TMPRSS11B: variants seen among roughly 807,000 people sequenced by gnomAD.
The protein encoded by TMPRSS11B is transmembrane protease serine 11B.
In TMPRSS11B, 53 loss-of-function variants were observed where a neutral mutation model predicts 44.7. That is an observed-to-expected ratio of 1.19 (90% CI 0.95 to 1.49). TMPRSS11B has a LOEUF of 1.49. Among genes scored for constraint, TMPRSS11B ranks in the 40% most tolerant of loss-of-function variants. The pLI is 0.00. For synonymous variants in TMPRSS11B, 140 were observed against 159.2 expected (o/e 0.88, Z 0.91); for missense variants, 526 against 494.8 (o/e 1.06, Z -0.60).
At position 68,231,068 on chromosome 4, in the gene TMPRSS11B, T is replaced by A. The variant is rs1577975598; in HGVS notation, c.686+135A>T. The A allele has an allele frequency of 4.5e-6, 3 of 659,522 alleles. No individual in the cohort carries two copies. The South Asian group carries it at 1.2e-4, about 25-fold the overall frequency. The allele number at this position is 659,522 out of a possible 1,614,324, so 40.9% of individuals were successfully genotyped here. On this transcript the variant is annotated intron_variant, in intron 7 of 9. Coordinates refer to ENST00000332644, the MANE Select transcript of TMPRSS11B (RefSeq NM_182502.3). ...CTTTCCTGCTCTTTAATTACGCAGG[T>A]GATTGTAAATGTTCTATGTGATTGT... is the stretch of plus-strand genomic sequence containing the variant.
At chr4:68,244,233 A>G (rs1719940876) in intron 1 of TMPRSS11B, among the ~76,000 whole-genome samples, 1 of 152,220 alleles carries the variant, frequency 6.6e-6, no homozygotes, top group Admixed American at 6.5e-5. Flanking sequence ...TTAACAAAGG[A>G]AATAGGTTAA....
rs1719396387 is a variant in TMPRSS11B at position 68,227,852 on chromosome 4, G to A, written c.*59C>T. ...ACAATCAAAATAAAAAGATCCCAAA[G>A]CCACAGATAAGGATAGCCTACAGTG... is the stretch of plus-strand genomic sequence containing the variant. On this transcript the variant is annotated 3_prime_UTR_variant, in exon 10 of 10. Transcript: ENST00000332644. The A allele has an allele frequency of 2.3e-6, 3 of 1,296,284 alleles. No homozygotes were observed. The highest frequency in any genetic ancestry group is 3.0e-6 in the Non-Finnish European group (3 of 998,016). The allele number at this position is 1,296,284 out of a possible 1,614,324, so 80.3% of individuals were successfully genotyped here. A position where few individuals can be genotyped will look rare whatever the true frequency, so the allele number is the denominator to read the frequency against.
intron 1 of TMPRSS11B, among the ~76,000 whole-genome samples, chr4:68,242,236 ATATT>A (rs1560445394): frequency 1.3e-4 from 11 of 83,098 alleles, no homozygotes; most frequent in Middle Eastern, 4.9e-3. Flanking sequence ...TATATTATAT[ATATT>A]ATATTATATA....
intron 2 of TMPRSS11B, among the ~76,000 whole-genome samples, chr4:68,236,756 A>G (rs1409917738): frequency 6.6e-6 from 1 of 152,014 alleles, no homozygotes; most frequent in Non-Finnish European, 1.5e-5. Context: ...GCAATTACCC[A>G]ATTAATCTTT....
rs1215935589 is a variant in TMPRSS11B, at chr4:68,231,200, T to C, written c.686+3A>G. 1 of 1,599,502 alleles carries C rather than the reference T, an allele frequency of 6.3e-7. No individual in the cohort carries two copies. The highest frequency in any genetic ancestry group is 2.2e-5 in the East Asian group (1 of 44,524). On this transcript the variant is annotated splice_donor_region_variant and intron_variant, in intron 7 of 9. Transcript: ENST00000332644. ...CTTCATTTAGTCAAATTTTCAAACT[T>C]ACTTAGCAAAGCAGTGAGCTGCAGA... is the stretch of plus-strand genomic sequence containing the variant.
At chr4:68,231,729 G>A (rs1038826171) in intron 6 of TMPRSS11B, 1 of 177,146 alleles carries the variant, frequency 5.6e-6, no homozygotes, top group Non-Finnish European at 1.2e-5. Context: ...GACACCATGT[G>A]AACAAAAGAT....
chr4:68,242,263 TATA>T (rs1414852572), intron 1 of TMPRSS11B, among the ~76,000 whole-genome samples: 3 of 38,760 alleles, frequency 7.7e-5, no homozygotes, highest in Non-Finnish European at 1.3e-4. Context: ...TTATAATATA[TATA>T]ATATAATATT....
chr4:68,243,721 G>A (rs1719928851), intron 1 of TMPRSS11B, among the ~76,000 whole-genome samples: 1 of 152,116 alleles, frequency 6.6e-6, no homozygotes, highest in Non-Finnish European at 1.5e-5. Context: ...TTTGGAATTA[G>A]CCAGTTATAA....
rs1004749770 is a variant in TMPRSS11B, at chr4:68,228,661, A to G, written c.1089+81T>C. The G allele has an allele frequency of 1.1e-5, 16 of 1,460,522 alleles. No individual in the cohort carries two copies. The South Asian group carries it at 2.1e-4, about 19-fold the overall frequency. The allele number at this position is 1,460,522 out of a possible 1,614,324, so 90.5% of individuals were successfully genotyped here. On this transcript the variant is annotated intron_variant, in intron 9 of 9. Coordinates refer to ENST00000332644, the MANE Select transcript of TMPRSS11B (RefSeq NM_182502.3). Reference sequence around the variant, plus strand: ...CAAAGCTACTATGTCAGTATTATTAACACAAAAAAAATTTTATGTGGATAA... The same window carrying G: ...CAAAGCTACTATGTCAGTATTATTAGCACAAAAAAAATTTTATGTGGATAA...
In TMPRSS11B at chr4:68,227,405, C is replaced by CT. The variant is rs34414922; in HGVS notation, c.*505dup. 0.047 allele frequency: 5,554 copies of CT among 117,062 alleles called. 556 individuals are homozygous for CT. Among genetic ancestry groups the CT allele is most frequent in the African/African-American group, 0.14 (4,298 of 30,400 alleles). The allele number at this position is 117,062 out of a possible 1,614,324, so 7.3% of individuals were successfully genotyped here. ...TTAGCCTTCTTTATTTTCTTCTCTC[C>CT]TTTTTTTTTTTTTTTTTTTGAGACA... On this transcript the variant is annotated 3_prime_UTR_variant, in exon 10 of 10. Transcript: ENST00000332644.
chr4:68,237,043 C>A (rs1408624095), intron 2 of TMPRSS11B, among the ~76,000 whole-genome samples: 1 of 151,844 alleles, frequency 6.6e-6, no homozygotes, highest in Non-Finnish European at 1.5e-5. Context: ...TACCCATCAA[C>A]CTGCCATCTA....
chr4:68,233,760 A>G (rs563591857), intron 5 of TMPRSS11B, among the ~76,000 whole-genome samples: 65 of 152,270 alleles, frequency 4.3e-4, no homozygotes, highest in African/African-American at 1.4e-3. Context: ...ACAAAAATCA[A>G]TAAGAACTCC....
intron 1 of TMPRSS11B, among the ~76,000 whole-genome samples, chr4:68,245,249 T>G (rs923279963): frequency 9.2e-5 from 14 of 152,206 alleles, no homozygotes; most frequent in African/African-American, 3.4e-4. Flanking sequence ...GGTAGCGTTC[T>G]TATGAGTGAT....
chr4:68,232,662 A>G (rs1027509831), intron 5 of TMPRSS11B, among the ~76,000 whole-genome samples: 3 of 152,188 alleles, frequency 2.0e-5, no homozygotes. Context: ...CAGTTTTATG[A>G]TTATTGAAGT....
At chr4:68,236,478 C>T (rs1002124670) in intron 2 of TMPRSS11B, among the ~76,000 whole-genome samples, 5 of 152,070 alleles carry the variant, frequency 3.3e-5, no homozygotes, top group African/African-American at 1.2e-4. Flanking sequence ...CCTCAACATT[C>T]AACCCAGCTT....
At position 68,245,606 on chromosome 4, in the gene TMPRSS11B, G is replaced by A. The variant is rs558482211; in HGVS notation, c.-48C>T. The A allele has an allele frequency of 1.2e-6, 2 of 1,601,914 alleles. No individual in the cohort carries two copies. The highest frequency in any genetic ancestry group is 2.2e-5 in the East Asian group (1 of 44,756). ...TATCAGGTATAACGGTGGTAATGAT[G>A]ATGACGAAGATAACGATAACGATGA... On this transcript the variant is annotated 5_prime_UTR_variant, in exon 1 of 10. Coordinates refer to ENST00000332644, the MANE Select transcript of TMPRSS11B (RefSeq NM_182502.3).
intron 1 of TMPRSS11B, among the ~76,000 whole-genome samples, chr4:68,245,094 A>G (rs894881134): frequency 6.6e-6 from 1 of 152,194 alleles, no homozygotes; most frequent in Non-Finnish European, 1.5e-5. Context: ...GAGAACCTGC[A>G]GTTTGCCTGT....
intron 1 of TMPRSS11B, among the ~76,000 whole-genome samples, chr4:68,242,318 T>TA (rs1719869641): frequency 1.4e-5 from 1 of 72,412 alleles, no homozygotes; most frequent in African/African-American, 6.9e-5. Context: ...TATAATATTA[T>TA]ATATATAATA....
Position 68,227,787 on chromosome 4 carries a change from C to A in TMPRSS11B, c.*124G>T. The A allele has an allele frequency of 3.9e-6, 2 of 514,444 alleles. No homozygotes were observed. Among genetic ancestry groups the A allele is most frequent in the East Asian group, 9.5e-5 (2 of 21,146 alleles). 31.9% of individuals were successfully genotyped at this position (514,444 alleles called of 1,614,324 possible). A position where few individuals can be genotyped will look rare whatever the true frequency, so the allele number is the denominator to read the frequency against. On this transcript the variant is annotated 3_prime_UTR_variant, in exon 10 of 10. Coordinates refer to ENST00000332644, the MANE Select transcript of TMPRSS11B (RefSeq NM_182502.3). ...AGATATAATAAAATATTAATAAAGA[C>A]ATTTATATTTTTATATATAATAAAA...
Sources: gnomAD v4.1 joint callset for allele counts (sites outside exome capture counted in the v4.1 genomes callset) on GRCh38, gnomAD v4.1.1 for gene constraint, MANE v1.5 for transcripts, NCBI Gene and HGNC (gene_info 2026-07-23, HGNC 2026-07-21) for gene names.